Variants in HYDIN observed in about 807,000 individuals in gnomAD.
The protein encoded by HYDIN is HYDIN axonemal central pair apparatus protein.
Under a neutral mutation model 403.9 loss-of-function variants are expected in HYDIN, and 132 were observed. The observed-to-expected ratio is 0.33, with a 90% confidence interval of 0.28 to 0.38. The LOEUF (loss-of-function observed/expected upper bound fraction) is 0.38. HYDIN is among the 10% of genes least tolerant of loss of function. The pLI is 1.00. For missense variants in HYDIN, 2,827 were observed against 5,009.5 expected, an observed-to-expected ratio of 0.56 and a Z score of 13.15; for synonymous variants, 1,202 against 1,891.7, an observed-to-expected ratio of 0.64 and a Z score of 9.46.
At chr16:70,888,293 T>C (rs2041264580) in intron 58 of HYDIN, among the ~76,000 whole-genome samples, 2 of 152,258 alleles carry the variant, frequency 1.3e-5, no homozygotes, top group Non-Finnish European at 2.9e-5. Context: ...CCTGGACATT[T>C]TGGGTGTTAT....
chr16:71,043,554 T>C (rs1473513032), intron 18 of HYDIN, among the ~76,000 whole-genome samples: 1 of 151,088 alleles, frequency 6.6e-6, no homozygotes. Flanking sequence ...GGCATTATAT[T>C]TTTAGTATCT....
intron 1 of HYDIN, among the ~76,000 whole-genome samples, chr16:71,201,139 C>T (rs1324443554): frequency 1.3e-5 from 2 of 152,166 alleles, no homozygotes; most frequent in African/African-American, 4.8e-5. Context: ...CACAGCAATG[C>T]ACTTTTCACA....
chr16:71,207,954 T>C (rs946587166), intron 1 of HYDIN, among the ~76,000 whole-genome samples: 2 of 152,068 alleles, frequency 1.3e-5, no homozygotes, highest in Non-Finnish European at 2.9e-5. Context: ...ATAGGCTTAG[T>C]TTCACAAACA....
At chr16:70,811,800 T>C (rs2035522840) in intron 84 of HYDIN, among the ~76,000 whole-genome samples, 1 of 149,468 alleles carries the variant, frequency 6.7e-6, no homozygotes, top group Non-Finnish European at 1.5e-5. Flanking sequence ...GAGGTTGTGG[T>C]GAGCCGAGAT....
At chr16:70,995,452 T>G (rs1377458245) in intron 23 of HYDIN, among the ~76,000 whole-genome samples, 2 of 152,198 alleles carry the variant, frequency 1.3e-5, no homozygotes, top group Non-Finnish European at 2.9e-5. Flanking sequence ...TCAGCAGCAC[T>G]GGCTTTGGGG....
rs1442183398 is a variant in HYDIN at position 71,230,591 on chromosome 16, C to T, written c.-53G>A. 5 of 1,535,964 alleles carry T rather than the reference C, an allele frequency of 3.3e-6. No homozygotes were observed. The Admixed American group carries it at 9.8e-5, about 30-fold the overall frequency. ...GTGCACTCCGGGTCCCACGTTTATTCTACCTCCATTCCCCGCCAAGACCCC... is the reference window on the plus strand; with the variant it reads ...GTGCACTCCGGGTCCCACGTTTATTTTACCTCCATTCCCCGCCAAGACCCC... On this transcript the variant is annotated 5_prime_UTR_variant, in exon 1 of 86. Transcript: ENST00000393567.
chr16:71,125,124 CCT>C, intron 9 of HYDIN, among the ~76,000 whole-genome samples: 1 of 151,636 alleles, frequency 6.6e-6, no homozygotes, highest in East Asian at 1.9e-4. Context: ...CACAGCCTCT[CCT>C]CTCTCTGCAG....
At chr16:71,012,643 C>T (rs2080126801) in intron 23 of HYDIN, among the ~76,000 whole-genome samples, 1 of 152,178 alleles carries the variant, frequency 6.6e-6, no homozygotes, top group African/African-American at 2.4e-5. Flanking sequence ...TCTAGGCGAC[C>T]TCAGACCTAT....
At chr16:70,824,642 C>T (rs1260607373) in intron 83 of HYDIN, among the ~76,000 whole-genome samples, 4 of 150,236 alleles carry the variant, frequency 2.7e-5, no homozygotes, top group African/African-American at 4.9e-5. Flanking sequence ...ATTCTCTTGC[C>T]TCAATATGGG....
chr16:71,201,086 C>T (rs2042423), intron 1 of HYDIN, among the ~76,000 whole-genome samples: 54,249 of 152,042 alleles, frequency 0.36, 10,135 homozygotes, highest in East Asian at 0.57. Context: ...CTGAAGGCTT[C>T]CTAGACCCTT....
At position 70,860,147 on chromosome 16, in the gene HYDIN, T is replaced by G; in HGVS notation, c.12050A>C (p.Glu4017Ala). The change falls in exon 71 of 86, where the codon GAA becomes GCA. Residue 4017 changes from glutamate to alanine, a missense_variant. Transcript: ENST00000393567. ...STYSFCWISE[E>A]IESLQNPAAF... ...TGCAGGGTTCTGGAGACTTTCAATT[T>G]CTTCAGAGATCCAGCAGAAGGAGTA... 1 of 1,613,960 alleles carries G rather than the reference T, an allele frequency of 6.2e-7. No homozygotes were observed. Among genetic ancestry groups the G allele is most frequent in the Non-Finnish European group, 8.5e-7 (1 of 1,179,862 alleles).
chr16:71,031,148 A>G (rs1232030120), intron 19 of HYDIN, among the ~76,000 whole-genome samples: 1 of 147,052 alleles, frequency 6.8e-6, no homozygotes, highest in Non-Finnish European at 1.5e-5. Flanking sequence ...TGCAGTGAGC[A>G]GAGATCGCGC....
At position 70,806,359 on chromosome 16, in the gene HYDIN, C is replaced by G. The variant is rs966315422; in HGVS notation, c.*1221G>C. Among the ~76,000 whole-genome samples, 2 of 141,886 alleles carry G rather than the reference C, an allele frequency of 1.4e-5. No individual in the cohort carries two copies. Among genetic ancestry groups the G allele is most frequent in the African/African-American group, 6.3e-5 (2 of 31,668 alleles). The allele number at this position is 141,886 out of a possible 152,430, so 93.1% of individuals were successfully genotyped here. ...GTGTTTACAGACATTCTAGAAAAAG[C>G]TTTTTTGGTCCTAGAGTATACTGGG... On this transcript the variant is annotated 3_prime_UTR_variant, in exon 86 of 86. Transcript: ENST00000393567.
intron 13 of HYDIN, among the ~76,000 whole-genome samples, chr16:71,072,627 TC>T (rs2082502564): frequency 6.6e-6 from 1 of 151,574 alleles, no homozygotes; most frequent in Non-Finnish European, 1.5e-5. Flanking sequence ...GGTTCTGAGT[TC>T]CTTGATGAAG....
At chr16:71,196,114 C>G (rs1206152275) in intron 1 of HYDIN, among the ~76,000 whole-genome samples, 1 of 152,196 alleles carries the variant, frequency 6.6e-6, no homozygotes, top group Non-Finnish European at 1.5e-5. Flanking sequence ...TCAAAACAGA[C>G]TACTTTTGTC....
intron 55 of HYDIN, among the ~76,000 whole-genome samples, 154 bp from the exon 56 acceptor site, chr16:70,892,683 CGCCTCTCCTTA>C (rs1275244646): frequency 6.6e-6 from 1 of 151,458 alleles, no homozygotes; most frequent in Non-Finnish European, 1.5e-5. Flanking sequence ...ACATCGTGAT[CGCCTCTCCTTA>C]GCCAGGATTG....
intron 13 of HYDIN, among the ~76,000 whole-genome samples, chr16:71,076,255 T>C (rs1413241196): frequency 6.6e-6 from 1 of 150,492 alleles, no homozygotes. Flanking sequence ...ATGTCAGAAA[T>C]ATTATTTCAA....
chr16:70,971,363 G>A (rs2078727314), intron 35 of HYDIN, among the ~76,000 whole-genome samples: 1 of 152,242 alleles, frequency 6.6e-6, no homozygotes, highest in African/African-American at 2.4e-5. Context: ...CCAGATACTG[G>A]TTAATAGTGA....
intron 20 of HYDIN, 91 bp downstream of exon 20, chr16:71,027,511 A>C (rs2080750526): frequency 6.5e-7 from 1 of 1,541,790 alleles, no homozygotes; most frequent in Admixed American, 2.2e-5. Context: ...ATCCTTCCTC[A>C]GATAAATGTC....
Sources: allele counts gnomAD v4.1 joint callset (sites outside exome capture counted in the v4.1 genomes callset), GRCh38; gene constraint gnomAD v4.1.1; transcripts MANE v1.5; gene names NCBI Gene and HGNC (gene_info 2026-07-23, HGNC 2026-07-21).